The following RALGAPB variants were observed in gnomAD, a reference collection of about 807,000 sequenced individuals.
RALGAPB encodes the protein ral GTPase-activating protein subunit beta.
Under a neutral mutation model 161.1 loss-of-function variants are expected in RALGAPB, and 25 were observed. The observed-to-expected ratio is 0.16, with a 90% CI of 0.11 to 0.22. The LOEUF (loss-of-function observed/expected upper bound fraction) is 0.22. RALGAPB is among the 10% of genes least tolerant of loss of function. The probability of loss-of-function intolerance (pLI) is 1.00; values close to 1 mark genes in which losing one functional copy is unlikely to be tolerated. For synonymous variants in RALGAPB, 629 were observed against 626.1 expected (o/e 1.00, Z -0.07); for missense variants, 1,391 against 1,815.2 (o/e 0.77, Z 4.25).
intron 1 of RALGAPB, among the ~76,000 whole-genome samples, chr20:38,481,431 A>G (rs7262636): frequency 0.032 from 4,943 of 152,286 alleles, 123 homozygotes; most frequent in African/African-American, 0.068. Flanking sequence ...GAAGGCAAGG[A>G]AGAGCAAGAC....
chr20:38,557,843 A>G (rs1053816215), intron 22 of RALGAPB, among the ~76,000 whole-genome samples: 1 of 152,242 alleles, frequency 6.6e-6, no homozygotes, highest in African/African-American at 2.4e-5. Flanking sequence ...TGCTATAAAC[A>G]TTTGTGTGCA....
Position 38,551,090 on chromosome 20 carries a change from G to T in RALGAPB, c.3029G>T (p.Arg1010Leu), listed in dbSNP as rs768437434. ...TAACAGCTTTTTGTACCTGAACCTC[G>T]CCCAGTTCCTAAAAATGACGTTGGA... ...ANQKLFVPEP[R>L]PVPKNDVGFK... The change falls in exon 21 of 30, where the codon CGC becomes CTC. Residue 1010 changes from arginine (R) to leucine (L), a missense_variant. By Grantham distance (102) the Arg-to-Leu change is moderately radical (BLOSUM62 -2). Transcript: ENST00000262879. The T allele has an allele frequency of 1.9e-6, 3 of 1,613,774 alleles. No homozygotes were observed. The highest frequency in any genetic ancestry group is 1.7e-5 in the Admixed American group (1 of 59,996).
chr20:38,495,620 T>G (rs2085406719), intron 3 of RALGAPB, among the ~76,000 whole-genome samples: 1 of 152,216 alleles, frequency 6.6e-6, no homozygotes, highest in Admixed American at 6.5e-5. Flanking sequence ...AGGCCAGGTT[T>G]GACCCATTGG....
chr20:38,477,019 G>A (rs958234534), intron 1 of RALGAPB, among the ~76,000 whole-genome samples: 1 of 152,036 alleles, frequency 6.6e-6, no homozygotes, highest in Non-Finnish European at 1.5e-5. Flanking sequence ...AATAAGACAC[G>A]GCCCCTGTCC....
intron 27 of RALGAPB, 58 bp from the exon 28 acceptor site, chr20:38,570,711 A>G (rs2145534452): frequency 1.8e-6 from 2 of 1,115,348 alleles, no homozygotes; most frequent in East Asian, 2.4e-5. Flanking sequence ...TAGATTTCCT[A>G]TTATCTGTTT....
intron 5 of RALGAPB, among the ~76,000 whole-genome samples, chr20:38,503,090 G>T (rs1483368141): frequency 6.6e-6 from 1 of 152,176 alleles, no homozygotes; most frequent in African/African-American, 2.4e-5. Context: ...AAGTGTCTGG[G>T]ACTATGGGTG....
intron 26 of RALGAPB, 127 bp from the exon 27 acceptor site, chr20:38,569,761 G>A (rs1165679414): frequency 1.5e-6 from 1 of 663,688 alleles, no homozygotes; most frequent in African/African-American, 1.8e-5. Flanking sequence ...TTTTCCTAAA[G>A]TGATTTTCCA....
chr20:38,568,481 C>T (rs1013618909), intron 26 of RALGAPB: 1 of 152,146 alleles, frequency 6.6e-6, no homozygotes, highest in Admixed American at 6.5e-5. Flanking sequence ...GAGAACAAGG[C>T]AAGGATGCCT....
rs1320218725 is a variant in RALGAPB at position 38,531,181 on chromosome 20, A to G, written c.2065A>G (p.Ile689Val). 1.9e-6 allele frequency: 3 copies of G among 1,609,404 alleles called. No individual in the cohort carries two copies. Among genetic ancestry groups the G allele is most frequent in the Non-Finnish European group, 2.6e-6 (3 of 1,176,108 alleles). The change falls in exon 14 of 30, where the codon ATT (isoleucine) becomes GTT (valine). Residue 689 changes from isoleucine to valine, a missense_variant. Physicochemically the swap from Ile to Val is conservative, Grantham distance 29. Around this residue, in one of 3 missense-constraint regions of RALGAPB, gnomAD observed 946 missense variants for 1,257.2 expected, o/e 0.75. Transcript: ENST00000262879. The part of the protein sequence containing the change: ...TQMILGAMLN[I>V]VQDSALLEAI... ...TGTTGTTGTAGGGGCAATGTTAAAT[A>G]TTGTTCAAGATTCAGCACTTTTGGA...
At chr20:38,505,072 T>G (rs2085719230) in intron 5 of RALGAPB, among the ~76,000 whole-genome samples, 1 of 152,322 alleles carries the variant, frequency 6.6e-6, no homozygotes, top group Non-Finnish European at 1.5e-5. Context: ...GCTATCCCAT[T>G]GCTGGGTATA....
At chr20:38,510,155 CACACACACACAG>C (rs1247925312) in intron 6 of RALGAPB, among the ~76,000 whole-genome samples, 2 of 151,442 alleles carry the variant, frequency 1.3e-5, no homozygotes, top group Admixed American at 6.6e-5. Flanking sequence ...CACACACACA[CACACACACACAG>C]ACACACGCAT....
At chr20:38,527,381 CAG>C (rs1417703103) in intron 13 of RALGAPB, among the ~76,000 whole-genome samples, 1 of 152,102 alleles carries the variant, frequency 6.6e-6, no homozygotes, top group African/African-American at 2.4e-5. Flanking sequence ...CATATTTATC[CAG>C]AGACACCTAA....
chr20:38,535,153 C>G lies in RALGAPB; in HGVS notation c.2325C>G (p.Arg775=). The part of the protein sequence containing the change: ...LVTQRLNSQW[R]QDMSISLAAL... ...CCCAAAGACTCAACTCCCAGTGGCG[C>G]CAAGACATGAGCATATCACTGGCAG... The change falls in exon 16 of 30, where the codon CGC becomes CGG. Residue 775 remains arginine, a synonymous_variant. Transcript: ENST00000262879. 1.2e-6 allele frequency: 2 copies of G among 1,614,204 alleles called. No individual in the cohort carries two copies. The highest frequency in any genetic ancestry group is 2.2e-5 in the South Asian group (2 of 91,088).
chr20:38,502,561 G>A (rs891259573), intron 5 of RALGAPB, among the ~76,000 whole-genome samples: 1 of 152,172 alleles, frequency 6.6e-6, no homozygotes, highest in African/African-American at 2.4e-5. Context: ...GTACAGTGCT[G>A]TAAATGTAAA....
chr20:38,482,884 C>G (rs1014382706), intron 1 of RALGAPB, among the ~76,000 whole-genome samples: 25 of 151,764 alleles, frequency 1.6e-4, no homozygotes, highest in Admixed American at 9.8e-4. Flanking sequence ...GGCTCCTAAT[C>G]TACTATTTGC....
intron 1 of RALGAPB, among the ~76,000 whole-genome samples, chr20:38,475,292 G>T (rs1293140297): frequency 6.6e-6 from 1 of 152,210 alleles, no homozygotes; most frequent in Non-Finnish European, 1.5e-5. Flanking sequence ...CACCAGGAGA[G>T]AGGACGTTAA....
intron 26 of RALGAPB, among the ~76,000 whole-genome samples, chr20:38,567,874 G>A (rs117732470): frequency 0.014 from 2,152 of 152,264 alleles, 22 homozygotes; most frequent in Non-Finnish European, 0.024. Flanking sequence ...TATTTTTAAT[G>A]TAAGTGTATG....
In RALGAPB at chr20:38,483,975, G is replaced by A. The variant is rs149214619; in HGVS notation, c.-30-4428G>A. ...GGAGGCCGAGGTGGGTGGATCACAA[G>A]GTCAGGAGTTCGAGACCAGCCTGGC... On this transcript the variant is annotated intron_variant, in intron 1 of 29. Transcript: ENST00000262879. Among the ~76,000 whole-genome samples, 1,202 of 152,228 alleles carry A rather than the reference G, an allele frequency of 7.9e-3. 32 individuals are homozygous for A. The East Asian group carries it at 0.11, about 13-fold the overall frequency.
At chr20:38,566,302 AATTATAAC>A (rs1459369563) in intron 25 of RALGAPB, among the ~76,000 whole-genome samples, 3 of 152,046 alleles carry the variant, frequency 2.0e-5, no homozygotes, top group East Asian at 3.9e-4. Flanking sequence ...TTTAGGTTTG[AATTATAAC>A]AGCTGTTGGG....
Sources: allele counts gnomAD v4.1 joint callset (sites outside exome capture counted in the v4.1 genomes callset), GRCh38; gene constraint gnomAD v4.1.1; regional missense constraint gnomAD v4.1.1; transcripts MANE v1.5; gene names NCBI Gene and HGNC (gene_info 2026-07-23, HGNC 2026-07-21).